The following ZNF91 variants were observed in gnomAD, a reference collection of about 807,000 sequenced individuals.
ZNF91 encodes the protein zinc finger protein 91 (HPF7, HTF10).
In ZNF91, 7 loss-of-function variants were observed where a neutral mutation model predicts 12.6. The ratio of observed to expected loss-of-function variants is 0.55; its 90% CI spans 0.31 to 1.04. ZNF91 has a LOEUF of 1.04. Among genes scored for constraint, ZNF91 ranks in the 50% least tolerant of loss-of-function variants. The pLI, the probability that ZNF91 is intolerant of heterozygous loss-of-function variation, is 0.05. For missense variants in ZNF91, 1,217 were observed against 1,385.4 expected, an observed-to-expected ratio of 0.88 and a Z score of 1.93; for synonymous variants, 453 against 462.6, an observed-to-expected ratio of 0.98 and a Z score of 0.27.
downstream of ZNF91, among the ~76,000 whole-genome samples, chr19:23,335,981 T>C (rs552236079): frequency 2.8e-4 from 43 of 152,332 alleles, no homozygotes; most frequent in African/African-American, 1.0e-3. Flanking sequence ...AAATAACATG[T>C]TCCATTAAAC....
At chr19:23,357,055 C>T (rs917087462), downstream of ZNF91, among the ~76,000 whole-genome samples, 24 of 152,212 alleles carry the variant, frequency 1.6e-4, no homozygotes, top group African/African-American at 5.3e-4. Flanking sequence ...GGTGAAACCC[C>T]GTCTCTACTA....
chr19:23,379,421 A>G (rs1299114201), intron 1 of ZNF91, among the ~76,000 whole-genome samples: 1 of 152,234 alleles, frequency 6.6e-6, no homozygotes, highest in African/African-American at 2.4e-5. Flanking sequence ...AACCACAGTA[A>G]TAGAACAGAA....
downstream of ZNF91, among the ~76,000 whole-genome samples, chr19:23,334,271 G>C (rs1044710779): frequency 4.6e-5 from 7 of 152,156 alleles, no homozygotes; most frequent in African/African-American, 1.7e-4. Flanking sequence ...GGCATGATGA[G>C]AGATACTGGC....
At chr19:23,313,960 C>T (rs1967510725), upstream of ZNF91, among the ~76,000 whole-genome samples, 2 of 152,254 alleles carry the variant, frequency 1.3e-5, no homozygotes, top group South Asian at 4.2e-4. Flanking sequence ...TAATCTTATC[C>T]TTGAACCTAC....
At chr19:23,385,957 T>A (rs554843129) in intron 1 of ZNF91, among the ~76,000 whole-genome samples, 24 of 152,236 alleles carry the variant, frequency 1.6e-4, no homozygotes, top group Non-Finnish European at 2.8e-4. Context: ...TACATGCCTT[T>A]GGAAAAAAAT....
chr19:23,368,957 C>G (rs1969141217), intron 3 of ZNF91, among the ~76,000 whole-genome samples: 1 of 152,118 alleles, frequency 6.6e-6, no homozygotes. Context: ...TCCCCTCACA[C>G]CCACTTAAAT....
intron 3 of ZNF91, among the ~76,000 whole-genome samples, chr19:23,366,199 A>AC (rs550730177): frequency 1.2e-3 from 175 of 149,234 alleles, no homozygotes; most frequent in Middle Eastern, 6.9e-3. Context: ...GCGGGGGCTG[A>AC]CCCCCCCACC....
chr19:23,374,225 A>C (rs1468810644), intron 2 of ZNF91, among the ~76,000 whole-genome samples: 2 of 152,064 alleles, frequency 1.3e-5, no homozygotes, highest in East Asian at 3.9e-4. Flanking sequence ...GATTTTCTTG[A>C]AAACAGAAAT....
intron 1 of ZNF91, among the ~76,000 whole-genome samples, chr19:23,388,309 T>C (rs535516247): frequency 6.6e-6 from 1 of 151,542 alleles, no homozygotes; most frequent in East Asian, 1.9e-4. Flanking sequence ...TACCGTGTGG[T>C]CATAAAAAAC....
chr19:23,313,094 T>C (rs1418383521), upstream of ZNF91, among the ~76,000 whole-genome samples: 3 of 152,242 alleles, frequency 2.0e-5, no homozygotes, highest in African/African-American at 7.2e-5. Context: ...TGAACTCATG[T>C]ACTTAGACCC....
In ZNF91 at chr19:23,359,034, G is replaced by T. The variant is rs570354845; in HGVS notation, c.*369C>A. On this transcript the variant is annotated 3_prime_UTR_variant, in exon 4 of 4. Transcript: ENST00000300619. ...CTTTGCCAAATTTTTCCTGTTTGTAGGGTTGCTGTCCAGTATGAATTTTCT... is the reference window on the plus strand; with the variant it reads ...CTTTGCCAAATTTTTCCTGTTTGTATGGTTGCTGTCCAGTATGAATTTTCT... 7.6e-6 allele frequency: 4 copies of T among 525,420 alleles called. No individual in the cohort carries two copies. The highest frequency in any genetic ancestry group is 3.7e-6 in the Non-Finnish European group (1 of 270,266). The allele number at this position is 525,420 out of a possible 1,614,324, so 32.5% of individuals were successfully genotyped here. A position where few individuals can be genotyped will look rare whatever the true frequency, so the allele number is the denominator to read the frequency against.
At chr19:23,378,432 G>A (rs1391098866) in intron 1 of ZNF91, among the ~76,000 whole-genome samples, 1 of 152,060 alleles carries the variant, frequency 6.6e-6, no homozygotes, top group South Asian at 2.1e-4. Flanking sequence ...TTTTAGTTCC[G>A]TTTCTTTTTT....
chr19:23,337,336 ATGTGTGTGTG>A (rs978527913), downstream of ZNF91, among the ~76,000 whole-genome samples: 1 of 116,902 alleles, frequency 8.6e-6, no homozygotes, highest in Non-Finnish European at 1.9e-5. Context: ...ATGTATATAT[ATGTGTGTGTG>A]TATGTGTGTG....
At chr19:23,367,103 G>C (rs531768866) in intron 3 of ZNF91, among the ~76,000 whole-genome samples, 1 of 152,272 alleles carries the variant, frequency 6.6e-6, no homozygotes, top group African/African-American at 2.4e-5. Flanking sequence ...GGCCAGCCTG[G>C]GCAACATAGT....
At chr19:23,327,110 A>G (rs1967851262) in intron 1 of ZNF91, 1 of 152,194 alleles carries the variant, frequency 6.6e-6, no homozygotes, top group Non-Finnish European at 1.5e-5. Context: ...TTTGTACATA[A>G]ATTCTCTTTA....
At chr19:23,320,177 C>T (rs1417496724) in intron 1 of ZNF91, among the ~76,000 whole-genome samples, 1 of 152,172 alleles carries the variant, frequency 6.6e-6, no homozygotes, top group Non-Finnish European at 1.5e-5. Context: ...AACATCTGGA[C>T]ACTTATGGGA....
intron 1 of ZNF91, chr19:23,384,609 C>A: frequency 1.1e-6 from 1 of 897,494 alleles, no homozygotes; most frequent in South Asian, 3.4e-5. Context: ...CATTCTGTCT[C>A]CCGATATCAT....
chr19:23,384,937 C>A, intron 1 of ZNF91: 1 of 818,910 alleles, frequency 1.2e-6, no homozygotes, highest in Non-Finnish European at 2.2e-6. Context: ...GTCCTTTCGG[C>A]CAGCAAAGTT....
Position 23,395,349 on chromosome 19 carries a change from T to C in ZNF91, c.6A>G (p.Pro2=), listed in dbSNP as rs927245686. 14 of 1,613,944 alleles carry C rather than the reference T, an allele frequency of 8.7e-6. No individual in the cohort carries two copies. The highest frequency in any genetic ancestry group is 1.7e-5 in the Admixed American group (1 of 59,988). Reference sequence around the variant, plus strand: ...CCATTTCTAGGCTTCCAGGGGTTCCTGGCATCTTAGCTGTGGCTCTCCAAT... The same window carrying C: ...CCATTTCTAGGCTTCCAGGGGTTCCCGGCATCTTAGCTGTGGCTCTCCAAT... M[P]GTPGSLEMGL... Residue 2 remains proline (P), a synonymous_variant, in exon 1 of 4, where the codon CCA becomes CCG. Transcript: ENST00000300619.
Sources: gnomAD v4.1 joint callset for allele counts (sites outside exome capture counted in the v4.1 genomes callset) on GRCh38, gnomAD v4.1.1 for gene constraint, MANE v1.5 for transcripts, NCBI Gene and HGNC (gene_info 2026-07-23, HGNC 2026-07-21) for gene names.